Variants in ARHGAP6 observed in about 807,000 individuals in gnomAD.
ARHGAP6 encodes Rho GTPase activating protein 6.
ARHGAP6 carries 16 observed loss-of-function variants against 55.7 expected under a neutral mutation model. The observed-to-expected ratio is 0.29, with a 90% CI of 0.19 to 0.44. ARHGAP6 has a LOEUF of 0.44. Among genes scored for constraint, ARHGAP6 ranks in the 20% least tolerant of loss-of-function variants. The pLI, the probability that ARHGAP6 is intolerant of heterozygous loss-of-function variation, is 1.00. For missense variants in ARHGAP6, 698 were observed against 808.9 expected (o/e 0.86, Z 1.66); for synonymous variants, 382 against 360.9 (o/e 1.06, Z -0.66).
intron 1 of ARHGAP6, among the ~76,000 whole-genome samples, chrX:11,603,789 T>C (rs1021964029): frequency 8.9e-6 from 1 of 112,306 alleles, no homozygotes; most frequent in Non-Finnish European, 1.9e-5. Flanking sequence ...TGCACTTTTA[T>C]GGTCTGTATG....
At chrX:11,206,711 G>A (rs112404885) in intron 2 of ARHGAP6, among the ~76,000 whole-genome samples, 1,174 of 111,156 alleles carry the variant, frequency 0.011, 21 homozygotes, top group African/African-American at 0.035. Flanking sequence ...CATTAAAAGG[G>A]GCTGGTTTTA....
At chrX:11,463,181 C>T (rs766991772) in intron 1 of ARHGAP6, among the ~76,000 whole-genome samples, 15 of 111,867 alleles carry the variant, frequency 1.3e-4, no homozygotes, top group African/African-American at 4.5e-4. Context: ...AGTGAAGTTA[C>T]GTAACGTGCA....
chrX:11,147,664 T>C (rs772625912), intron 10 of ARHGAP6, among the ~76,000 whole-genome samples: 1 of 113,023 alleles, frequency 8.8e-6, no homozygotes, highest in Non-Finnish European at 1.9e-5. Context: ...GCTTGTCAAA[T>C]TTATAAATCA....
intron 1 of ARHGAP6, among the ~76,000 whole-genome samples, chrX:11,608,240 G>C (rs1165328803): frequency 8.9e-6 from 1 of 111,917 alleles, no homozygotes; most frequent in Non-Finnish European, 1.9e-5. Flanking sequence ...ATAAATTTAA[G>C]TAATGGAATA....
chrX:11,254,451 G>T, intron 2 of ARHGAP6, 97 bp downstream of exon 2: 1 of 1,033,909 alleles, frequency 9.7e-7, no homozygotes, highest in Non-Finnish European at 1.3e-6. Context: ...CTTCCTGTGT[G>T]AATATTAGGT....
At chrX:11,212,605 T>C (rs2147392991) in intron 2 of ARHGAP6, among the ~76,000 whole-genome samples, 1 of 112,429 alleles carries the variant, frequency 8.9e-6, no homozygotes, top group East Asian at 2.8e-4. Flanking sequence ...TTGAGTTCCA[T>C]GTGTGTCTGC....
chrX:11,648,232 T>C (rs1049291854), intron 1 of ARHGAP6, among the ~76,000 whole-genome samples: 3 of 111,845 alleles, frequency 2.7e-5, no homozygotes, highest in African/African-American at 9.7e-5. Flanking sequence ...CATTATACAA[T>C]GTATACATGC....
chrX:11,222,732 A>T (rs889400646), intron 2 of ARHGAP6, among the ~76,000 whole-genome samples: 2 of 111,857 alleles, frequency 1.8e-5, no homozygotes, highest in Admixed American at 1.9e-4. Flanking sequence ...ATTGTGTATT[A>T]TGTTATGTCT....
intron 1 of ARHGAP6, among the ~76,000 whole-genome samples, chrX:11,622,661 C>T (rs767798483): frequency 1.0e-3 from 115 of 110,871 alleles, no homozygotes; most frequent in Non-Finnish European, 1.7e-3. Flanking sequence ...ATCAAATTTC[C>T]TTGATCCTAG....
chrX:11,453,766 AAAG>A (rs1359213960), intron 1 of ARHGAP6, among the ~76,000 whole-genome samples: 1 of 111,771 alleles, frequency 8.9e-6, no homozygotes, highest in Non-Finnish European at 1.9e-5. Flanking sequence ...AGTATTTCCA[AAAG>A]AAGAGTAAGC....
chrX:11,534,164 C>G lies in ARHGAP6; in HGVS notation c.588+130077G>C, dbSNP rs920395497. Among the ~76,000 whole-genome samples the G allele has an allele frequency of 4.5e-5, 5 of 111,499 alleles. No homozygotes were observed. The East Asian group carries it at 1.4e-3, about 31-fold the overall frequency. ...AAGCCCATAAGCTGGAATCAGCTGA[C>G]TTAGATTCAAAATGGAGATGCTGCC... On this transcript the variant is annotated intron_variant, in intron 1 of 12. Transcript: ENST00000337414.
chrX:11,502,904 C>T (rs965007777), intron 1 of ARHGAP6, among the ~76,000 whole-genome samples: 23 of 109,328 alleles, frequency 2.1e-4, no homozygotes, highest in African/African-American at 7.6e-4. Context: ...TTTTTCTTTT[C>T]TTTTCTTTTC....
At chrX:11,321,363 T>C (rs890192160) in intron 1 of ARHGAP6, among the ~76,000 whole-genome samples, 1 of 111,894 alleles carries the variant, frequency 8.9e-6, no homozygotes, top group African/African-American at 3.3e-5. Context: ...GGTATTTTGA[T>C]GTAAAAGTTA....
Position 11,664,941 on chromosome X carries a change from GGTTT to G in ARHGAP6, c.-117_-114del. ...AAGGTGCCAGGCGGGGCTGGCCCGG[GGTTT>G]GCCCAGGGCAGTGGAGAGCAAAGCC... On this transcript the variant is annotated 5_prime_UTR_variant, in exon 1 of 13. Coordinates refer to ENST00000337414, the MANE Select transcript of ARHGAP6 (RefSeq NM_013427.3). The G allele has an allele frequency of 1.3e-6, 1 of 799,991 alleles. No homozygotes were observed. Among genetic ancestry groups the G allele is most frequent in the Non-Finnish European group, 1.7e-6 (1 of 576,176 alleles). The allele number at this position is 799,991 out of a possible 1,213,427, so 65.9% of individuals were successfully genotyped here.
intron 1 of ARHGAP6, among the ~76,000 whole-genome samples, chrX:11,411,480 T>C (rs2049687355): frequency 9.2e-6 from 1 of 108,373 alleles, no homozygotes; most frequent in Non-Finnish European, 1.9e-5. Flanking sequence ...TCAAATTATA[T>C]AGACAGTCCT....
chrX:11,405,786 A>G (rs867752544), intron 1 of ARHGAP6, among the ~76,000 whole-genome samples: 1 of 112,193 alleles, frequency 8.9e-6, no homozygotes, highest in Admixed American at 9.4e-5. Flanking sequence ...CTTTGTAATC[A>G]GTGGACTTGA....
In ARHGAP6 at chrX:11,392,981, T is replaced by C. The variant is rs1310324123; in HGVS notation, c.589-138274A>G. Reference sequence around the variant, plus strand: ...CATGTGATTTTTAATGGGGGCCCTTTCTATTTACTGAATTACAAGAAGGAT... The same window carrying C: ...CATGTGATTTTTAATGGGGGCCCTTCCTATTTACTGAATTACAAGAAGGAT... On this transcript the variant is annotated intron_variant, in intron 1 of 12. Transcript: ENST00000337414. Among the ~76,000 whole-genome samples the C allele has an allele frequency of 4.5e-5, 5 of 111,776 alleles. No individual in the cohort carries two copies. The East Asian group carries it at 1.1e-3, about 25-fold the overall frequency.
At chrX:11,653,529 T>C (rs1415732157) in intron 1 of ARHGAP6, among the ~76,000 whole-genome samples, 1 of 112,441 alleles carries the variant, frequency 8.9e-6, no homozygotes, top group Non-Finnish European at 1.9e-5. Context: ...TTAGCTTAGG[T>C]CTTACCTTTG....
At chrX:11,595,756 G>A (rs1203573243) in intron 1 of ARHGAP6, among the ~76,000 whole-genome samples, 1 of 111,990 alleles carries the variant, frequency 8.9e-6, no homozygotes, top group African/African-American at 3.3e-5. Context: ...CAAAAAGTGG[G>A]CAAAGGATAT....
Sources: allele counts gnomAD v4.1 joint callset (sites outside exome capture counted in the v4.1 genomes callset), GRCh38; gene constraint gnomAD v4.1.1; transcripts MANE v1.5; gene names NCBI Gene and HGNC (gene_info 2026-07-23, HGNC 2026-07-21).